LUZP2: variants seen among roughly 807,000 people sequenced by gnomAD.
LUZP2 encodes the protein leucine zipper protein 2.
In LUZP2, 52 loss-of-function variants were observed where a neutral mutation model predicts 51.6. That is an observed-to-expected ratio of 1.01 (90% CI 0.81 to 1.27). The LOEUF is 1.27. Among genes scored for constraint, LUZP2 ranks in the 50% most tolerant of loss-of-function variants. LUZP2 has a pLI of 0.00. For synonymous variants in LUZP2, 154 were observed against 137.3 expected (o/e 1.12, Z -0.85); for missense variants, 436 against 395.4 (o/e 1.10, Z -0.87).
chr11:24,919,290 T>C (rs1467923630), intron 7 of LUZP2, among the ~76,000 whole-genome samples: 2 of 8,116 alleles, frequency 2.5e-4, no homozygotes, highest in African/African-American at 5.6e-4. Flanking sequence ...TAATATATGT[T>C]ATATATTATA....
At chr11:24,905,301 C>T (rs1565087151) in intron 5 of LUZP2, among the ~76,000 whole-genome samples, 2 of 151,896 alleles carry the variant, frequency 1.3e-5, no homozygotes, top group South Asian at 2.1e-4. Flanking sequence ...CGAGGCAGGC[C>T]GATCACCTGA....
At chr11:24,681,303 C>T (rs1039489525) in intron 1 of LUZP2, among the ~76,000 whole-genome samples, 2 of 152,108 alleles carry the variant, frequency 1.3e-5, no homozygotes, top group Admixed American at 6.5e-5. Context: ...TTCTCTAAGA[C>T]CATGTTTCTA....
At chr11:24,990,477 A>G (rs1856305989) in intron 9 of LUZP2, among the ~76,000 whole-genome samples, 1 of 152,070 alleles carries the variant, frequency 6.6e-6, no homozygotes, top group South Asian at 2.1e-4. Flanking sequence ...ATGACTAACC[A>G]TTGGTAATAT....
chr11:24,636,313 T>C (rs1050619498), intron 1 of LUZP2, among the ~76,000 whole-genome samples: 53 of 152,214 alleles, frequency 3.5e-4, no homozygotes, highest in African/African-American at 1.3e-3. Flanking sequence ...ACATTCCCTA[T>C]TCAAAACAAT....
intron 5 of LUZP2, among the ~76,000 whole-genome samples, chr11:24,835,550 C>T (rs1309200369): frequency 6.6e-6 from 1 of 151,912 alleles, no homozygotes; most frequent in Non-Finnish European, 1.5e-5. Context: ...ATTCTTTAAG[C>T]TACAGTATAC....
chr11:24,914,641 T>A, intron 7 of LUZP2, 103 bp downstream of exon 7: 1 of 805,692 alleles, frequency 1.2e-6, no homozygotes, highest in South Asian at 1.8e-5. Context: ...TTCTCATGAA[T>A]TGGAGTTGCA....
intron 1 of LUZP2, among the ~76,000 whole-genome samples, chr11:24,546,684 T>C (rs915031158): frequency 2.6e-5 from 4 of 152,202 alleles, no homozygotes; most frequent in Non-Finnish European, 4.4e-5. Context: ...CAGTATTTTG[T>C]TGAGGATTTT....
At chr11:25,025,840 A>G (rs1184340032) in intron 9 of LUZP2, among the ~76,000 whole-genome samples, 1 of 152,194 alleles carries the variant, frequency 6.6e-6, no homozygotes, top group Non-Finnish European at 1.5e-5. Flanking sequence ...AGACACATGC[A>G]CACGTATGTT....
intron 5 of LUZP2, among the ~76,000 whole-genome samples, chr11:24,898,305 C>T (rs754535837): frequency 6.6e-5 from 10 of 151,872 alleles, no homozygotes; most frequent in Non-Finnish European, 1.2e-4. Flanking sequence ...GTAATCTGGC[C>T]AAATAGCAGT....
At chr11:24,681,885 T>TA (rs907438440) in intron 1 of LUZP2, among the ~76,000 whole-genome samples, 10 of 152,020 alleles carry the variant, frequency 6.6e-5, no homozygotes, top group African/African-American at 9.7e-5. Context: ...ATTTTTGAAA[T>TA]AAAAAAAATC....
At chr11:24,673,388 C>T (rs1856458060) in intron 1 of LUZP2, among the ~76,000 whole-genome samples, 1 of 152,030 alleles carries the variant, frequency 6.6e-6, no homozygotes, top group African/African-American at 2.4e-5. Flanking sequence ...GAAACCAGTC[C>T]ATGTCCCTTC....
At chr11:24,526,393 T>G (rs1164243263) in intron 1 of LUZP2, among the ~76,000 whole-genome samples, 3 of 151,278 alleles carry the variant, frequency 2.0e-5, no homozygotes, top group African/African-American at 7.3e-5. Context: ...TTTGGCACAG[T>G]TAATGATTAA....
chr11:25,047,327 TTTTA>T (rs1283625453), intron 9 of LUZP2, among the ~76,000 whole-genome samples: 1 of 6,694 alleles, frequency 1.5e-4, no homozygotes, highest in Non-Finnish European at 4.3e-4. Context: ...ATAGTATTGT[TTTTA>T]TTTTTTTTAT....
intron 5 of LUZP2, among the ~76,000 whole-genome samples, chr11:24,763,827 C>A (rs1489543720): frequency 6.6e-6 from 1 of 152,180 alleles, no homozygotes; most frequent in African/African-American, 2.4e-5. Context: ...TCTTGTTATA[C>A]AATTACTTTA....
At chr11:24,902,750 GA>G (rs755801532) in intron 5 of LUZP2, among the ~76,000 whole-genome samples, 1 of 152,054 alleles carries the variant, frequency 6.6e-6, no homozygotes, top group African/African-American at 2.4e-5. Flanking sequence ...TGTTTCCTCA[GA>G]AAAAATATAA....
intron 4 of LUZP2, among the ~76,000 whole-genome samples, chr11:24,756,145 A>G (rs192039744): frequency 2.0e-5 from 3 of 152,228 alleles, no homozygotes; most frequent in Admixed American, 6.5e-5. Flanking sequence ...TCAATTACCT[A>G]TGACCTGAAA....
chr11:24,631,419 A>C (rs1020653160), intron 1 of LUZP2, among the ~76,000 whole-genome samples: 10 of 147,684 alleles, frequency 6.8e-5, no homozygotes, highest in African/African-American at 2.5e-4. Context: ...TTTTCTTTTC[A>C]TATCATGAGG....
intron 1 of LUZP2, among the ~76,000 whole-genome samples, chr11:24,558,553 A>G (rs1319659837): frequency 6.6e-6 from 1 of 152,178 alleles, no homozygotes; most frequent in Non-Finnish European, 1.5e-5. Context: ...AAATGTCAAG[A>G]CAATCTTGCA....
In LUZP2 at chr11:24,726,207, C is replaced by T. The variant is rs971198703; in HGVS notation, c.63-2962C>T. On this transcript the variant is annotated intron_variant, in intron 1 of 11. Coordinates refer to ENST00000336930, the MANE Select transcript of LUZP2 (RefSeq NM_001009909.4). ...AGTGGTAATCTTATGAAAATATAAT[C>T]AATCTCTAATAAAGTAAATACAAAT... Among the ~76,000 whole-genome samples, 9 of 152,162 alleles carry T rather than the reference C, an allele frequency of 5.9e-5. No individual in the cohort carries two copies. In the East Asian group the frequency reaches 1.7e-3, roughly 29 times the overall value.
Sources: gnomAD v4.1 joint callset for allele counts (sites outside exome capture counted in the v4.1 genomes callset) on GRCh38, gnomAD v4.1.1 for gene constraint, MANE v1.5 for transcripts, NCBI Gene and HGNC (gene_info 2026-07-23, HGNC 2026-07-21) for gene names.